UST: variants seen among roughly 807,000 people sequenced by gnomAD.
UST encodes the protein chondroitin sulfate 2-O-sulfotransferase.
UST carries 21 observed loss-of-function variants against 45.6 expected under a neutral mutation model. The observed-to-expected ratio is 0.46, with a 90% CI of 0.33 to 0.66. The LOEUF is 0.66. UST is among the 30% of genes least tolerant of loss of function. The pLI is 0.02. For missense variants in UST, 463 were observed against 512.4 expected (o/e 0.90, Z 0.93); for synonymous variants, 215 against 200.6 (o/e 1.07, Z -0.61).
chr6:148,869,522 A>G (rs745911952), intron 1 of UST, among the ~76,000 whole-genome samples: 6 of 152,228 alleles, frequency 3.9e-5, no homozygotes, highest in Non-Finnish European at 8.8e-5. Flanking sequence ...GGCCTAATAA[A>G]GAAGAAACTA....
chr6:149,033,923 A>C (rs1015439368), intron 7 of UST, among the ~76,000 whole-genome samples: 1 of 152,236 alleles, frequency 6.6e-6, no homozygotes, highest in Non-Finnish European at 1.5e-5. Flanking sequence ...CTGATGTTGC[A>C]GAGCCAATCA....
At chr6:148,845,062 C>T (rs1347929172) in intron 1 of UST, among the ~76,000 whole-genome samples, 1 of 152,084 alleles carries the variant, frequency 6.6e-6, no homozygotes, top group East Asian at 1.9e-4. Context: ...GATTCCATGT[C>T]TTTGCTATTG....
Position 148,747,508 on chromosome 6 carries a change from G to A in UST, c.78G>A (p.Pro26=), listed in dbSNP as rs1017605116. The A allele has an allele frequency of 6.5e-6, 10 of 1,531,622 alleles. No homozygotes were observed. The African/African-American group carries it at 1.3e-4, about 19-fold the overall frequency. The allele number at this position is 1,531,622 out of a possible 1,614,324, so 94.9% of individuals were successfully genotyped here. A position where few individuals can be genotyped will look rare whatever the true frequency, so the allele number is the denominator to read the frequency against. The change falls in exon 1 of 8, where the codon CCG becomes CCA. Residue 26 remains proline (P), a synonymous_variant. Transcript: ENST00000367463. ...GGGCCCCTATGGGGGGCGCCCCTCCGGGCCTGGGCAGCTGGAAGCGTCGGG... is the reference window on the plus strand; with the variant it reads ...GGGCCCCTATGGGGGGCGCCCCTCCAGGCCTGGGCAGCTGGAAGCGTCGGG... ...PHGAPMGGAP[P]GLGSWKRRVP...
In UST at chr6:148,795,103, C is replaced by A. The variant is rs931767303; in HGVS notation, c.247+47426C>A. ...TGTTTCTGGTCCAGTTGCAAAGAAG[C>A]CTTTCTGTAATTTTCTGTAATATGA... is the stretch of plus-strand genomic sequence containing the variant. On this transcript the variant is annotated intron_variant, in intron 1 of 7. Transcript: ENST00000367463. Among the ~76,000 whole-genome samples the A allele has an allele frequency of 2.0e-5, 3 of 152,184 alleles. No homozygotes were observed. In the South Asian group the frequency reaches 6.2e-4, roughly 32 times the overall value.
chr6:148,785,066 C>T (rs773827996), intron 1 of UST, among the ~76,000 whole-genome samples: 5 of 152,060 alleles, frequency 3.3e-5, no homozygotes, highest in South Asian at 2.1e-4. Context: ...GCCGGCTTGG[C>T]GGCGTGTGCC....
At chr6:148,792,432 GAACTGTGTA>G (rs1243858149) in intron 1 of UST, among the ~76,000 whole-genome samples, 1 of 152,156 alleles carries the variant, frequency 6.6e-6, no homozygotes, top group East Asian at 1.9e-4. Context: ...CTGGGCCTGT[GAACTGTGTA>G]AACTATCCTC....
chr6:149,003,897 G>A (rs1781599765), intron 5 of UST, among the ~76,000 whole-genome samples: 2 of 152,106 alleles, frequency 1.3e-5, no homozygotes, highest in African/African-American at 2.4e-5. Context: ...AGACGTGCAG[G>A]GCCTCTATTC....
At chr6:148,913,588 A>G (rs916965888) in intron 2 of UST, among the ~76,000 whole-genome samples, 9 of 152,112 alleles carry the variant, frequency 5.9e-5, no homozygotes, top group African/African-American at 2.2e-4. Context: ...AAACCGTAAT[A>G]GTGAGTAGTT....
chr6:148,775,304 A>G (rs931443328), intron 1 of UST, among the ~76,000 whole-genome samples: 1 of 151,976 alleles, frequency 6.6e-6, no homozygotes, highest in African/African-American at 2.4e-5. Flanking sequence ...AAAAATGCCC[A>G]CTCCAGTGCA....
chr6:148,800,416 ATCAG>A (rs1192950328), intron 1 of UST, among the ~76,000 whole-genome samples: 2 of 152,150 alleles, frequency 1.3e-5, no homozygotes, highest in Non-Finnish European at 2.9e-5. Context: ...AGCATTGAAA[ATCAG>A]TCAAATAATC....
In UST at chr6:148,752,667, G is replaced by C. The variant is rs142824757; in HGVS notation, c.247+4990G>C. ...TTCCCTGTCATCAATCCAGGCTTAA[G>C]ACAGTGGTTAGTTTTGTTTTGGAGA... On this transcript the variant is annotated intron_variant, in intron 1 of 7. Transcript: ENST00000367463. 3.3e-3 allele frequency among the ~76,000 whole-genome samples: 502 copies of C among 152,310 alleles called. 3 individuals are homozygous for C. The highest frequency in any genetic ancestry group is 0.024 in the South Asian group (117 of 4,830).
At chr6:149,005,796 CAG>C in intron 5 of UST, among the ~76,000 whole-genome samples, 1 of 152,264 alleles carries the variant, frequency 6.6e-6, no homozygotes, top group Non-Finnish European at 1.5e-5. Context: ...GGATGGGAAT[CAG>C]AGAAGAAAGC....
chr6:148,899,394 C>G (rs1237672987), intron 2 of UST, among the ~76,000 whole-genome samples: 3 of 152,182 alleles, frequency 2.0e-5, no homozygotes, highest in African/African-American at 7.2e-5. Flanking sequence ...CCACCGCACC[C>G]AGCCTACCTA....
chr6:148,891,410 C>G (rs1779016088), intron 2 of UST, among the ~76,000 whole-genome samples: 2 of 152,224 alleles, frequency 1.3e-5, no homozygotes, highest in Admixed American at 6.5e-5. Context: ...AATAAAATCG[C>G]TATCCATATC....
chr6:148,757,626 A>G (rs1374028154), intron 1 of UST, among the ~76,000 whole-genome samples: 8 of 152,244 alleles, frequency 5.3e-5, no homozygotes, highest in African/African-American at 1.4e-4. Flanking sequence ...TGATTAGGCA[A>G]TTCTTAGTTA....
At chr6:148,879,057 C>T (rs1023408719) in intron 1 of UST, among the ~76,000 whole-genome samples, 1 of 152,092 alleles carries the variant, frequency 6.6e-6, no homozygotes, top group Non-Finnish European at 1.5e-5. Flanking sequence ...GAAATTTATT[C>T]TTGAAAAGAT....
intron 2 of UST, among the ~76,000 whole-genome samples, chr6:148,894,602 C>G (rs1349587046): frequency 7.9e-5 from 12 of 152,128 alleles, no homozygotes; most frequent in Admixed American, 5.9e-4. Context: ...AGATTTCTGA[C>G]CTCCTGAACT....
intron 1 of UST, among the ~76,000 whole-genome samples, chr6:148,807,803 C>T (rs1777178493): frequency 6.6e-6 from 1 of 152,172 alleles, no homozygotes; most frequent in African/African-American, 2.4e-5. Flanking sequence ...ATTGCAGAAT[C>T]ACCCTGGATG....
intron 7 of UST, among the ~76,000 whole-genome samples, chr6:149,070,049 T>C (rs1358684538): frequency 1.3e-5 from 2 of 151,900 alleles, no homozygotes; most frequent in Non-Finnish European, 2.9e-5. Flanking sequence ...CTTATCCCCT[T>C]GGATCCTTTG....
Sources: gnomAD v4.1 joint callset for allele counts (sites outside exome capture counted in the v4.1 genomes callset) on GRCh38, gnomAD v4.1.1 for gene constraint, MANE v1.5 for transcripts, NCBI Gene and HGNC (gene_info 2026-07-23, HGNC 2026-07-21) for gene names.